Variants in PDE12 observed in about 807,000 individuals in gnomAD.
PDE12 encodes the protein 2',5'-phosphodiesterase 12.
PDE12 carries 26 observed loss-of-function variants against 45.4 expected under a neutral mutation model. The ratio of observed to expected loss-of-function variants is 0.57; its 90% CI spans 0.42 to 0.79. PDE12 has a LOEUF of 0.79. Among genes scored for constraint, PDE12 ranks in the 30% least tolerant of loss-of-function variants. PDE12 has a pLI of 0.00. For missense variants in PDE12, 668 were observed against 790.0 expected (o/e 0.85, Z 1.85); for synonymous variants, 283 against 323.9 (o/e 0.87, Z 1.36).
chr3:57,559,082 G>A (rs1324020194), intron 1 of PDE12, among the ~76,000 whole-genome samples: 1 of 151,878 alleles, frequency 6.6e-6, no homozygotes, highest in African/African-American at 2.4e-5. Context: ...TTAGCCGGGC[G>A]TGGTGGCACG....
chr3:57,584,323 G>T, the PDE12 span: 1 of 1,337,816 alleles, frequency 7.5e-7, no homozygotes, highest in Non-Finnish European at 1.1e-6. Context: ...CTCAAAACTA[G>T]ACTGTATATA....
At chr3:57,597,989 T>G in the PDE12 span, 1 of 152,182 alleles carries the variant, frequency 6.6e-6, no homozygotes, top group Non-Finnish European at 1.5e-5. Flanking sequence ...TGAAGATCTC[T>G]AATTCTGTCA....
the PDE12 span, chr3:57,596,920 T>C: frequency 4.1e-6 from 3 of 726,098 alleles, no homozygotes; most frequent in South Asian, 1.8e-5. Context: ...CACCCTCCGC[T>C]CCATTGTTCC....
the PDE12 span, among the ~76,000 whole-genome samples, chr3:57,625,226 C>T: frequency 6.6e-6 from 1 of 152,132 alleles, no homozygotes; most frequent in Non-Finnish European, 1.5e-5. Context: ...CAGAATATTT[C>T]ATAAAATCAA....
At chr3:57,654,576 A>T in the PDE12 span, 6 of 937,726 alleles carry the variant, frequency 6.4e-6, no homozygotes, top group Non-Finnish European at 7.6e-6. Context: ...ATCATCAAGT[A>T]AAATGTCCCT....
the PDE12 span, among the ~76,000 whole-genome samples, chr3:57,647,376 A>T: frequency 6.6e-6 from 1 of 152,160 alleles, no homozygotes; most frequent in Non-Finnish European, 1.5e-5. Flanking sequence ...CCTAAAGCAG[A>T]ACATGGTAGG....
the PDE12 span, among the ~76,000 whole-genome samples, chr3:57,633,952 C>T: frequency 3.4e-4 from 51 of 151,652 alleles, no homozygotes; most frequent in African/African-American, 1.2e-3. Flanking sequence ...CTATACTATA[C>T]TATTTACATT....
chr3:57,599,516 C>T, the PDE12 span, among the ~76,000 whole-genome samples: 1 of 152,184 alleles, frequency 6.6e-6, no homozygotes. Flanking sequence ...ACCGTATGAG[C>T]CCTCCTCCCT....
chr3:57,567,431 A>G (rs1211151230), downstream of PDE12, among the ~76,000 whole-genome samples: 2 of 152,234 alleles, frequency 1.3e-5, no homozygotes, highest in Non-Finnish European at 1.5e-5. Flanking sequence ...CAGGCATCCA[A>G]TAATACAGCT....
chr3:57,631,732 T>G, the PDE12 span, among the ~76,000 whole-genome samples: 8 of 144,910 alleles, frequency 5.5e-5, no homozygotes, highest in African/African-American at 2.0e-4. Context: ...TTTTTTTTTT[T>G]TTTTTTTTGA....
chr3:57,632,246 G>A, the PDE12 span, among the ~76,000 whole-genome samples: 4 of 150,808 alleles, frequency 2.7e-5, no homozygotes, highest in Non-Finnish European at 5.9e-5. Flanking sequence ...GGATGGTCTC[G>A]ATCTCCTGAC....
At chr3:57,645,274 A>C in the PDE12 span, among the ~76,000 whole-genome samples, 1 of 152,004 alleles carries the variant, frequency 6.6e-6, no homozygotes, top group Non-Finnish European at 1.5e-5. Flanking sequence ...CAGCCTGATC[A>C]ACATGGTGAA....
chr3:57,559,976 C>T lies in PDE12; in HGVS notation c.1802C>T (p.Ala601Val). ...GTTTCCCATCCCTCTGATCACATAG[C>T]ACTTGTATGTGATTTAAAATGGAAA... ...PSVSHPSDHI[A>V]LVCDLKWK is the part of the protein sequence containing the mutation. The change falls in exon 3 of 3, where the codon GCA becomes GTA. Residue 601 changes from alanine (A) to valine (V), a missense_variant. Ala to Val is a moderately conservative substitution (Grantham distance 64). Around this residue, in one of 3 missense-constraint regions of PDE12, gnomAD observed 79 missense variants for 97.9 expected, o/e 0.81. Transcript: ENST00000311180. 1 of 1,608,568 alleles carries T rather than the reference C, an allele frequency of 6.2e-7. No individual in the cohort carries two copies. The highest frequency in any genetic ancestry group is 1.1e-5 in the South Asian group (1 of 90,922).
chr3:57,646,068 G>C, the PDE12 span, among the ~76,000 whole-genome samples: 1 of 152,166 alleles, frequency 6.6e-6, no homozygotes, highest in Middle Eastern at 3.2e-3. Context: ...TTCATGTAAT[G>C]AATCAATGTG....
chr3:57,619,370 AAAC>A, the PDE12 span: 3 of 153,444 alleles, frequency 2.0e-5, no homozygotes, highest in South Asian at 2.1e-4. Context: ...AAACAAAACA[AAAC>A]AACAACAAAA....
the PDE12 span, chr3:57,654,965 C>T: frequency 8.4e-6 from 2 of 237,252 alleles, no homozygotes; most frequent in African/African-American, 2.3e-5. Flanking sequence ...ATATTAAATG[C>T]TTGATATAAT....
chr3:57,619,128 TC>T, the PDE12 span, among the ~76,000 whole-genome samples: 1 of 151,698 alleles, frequency 6.6e-6, no homozygotes, highest in Non-Finnish European at 1.5e-5. Flanking sequence ...GGTGGGCGGA[TC>T]ATGAGGTCAA....
At chr3:57,602,412 A>G in the PDE12 span, among the ~76,000 whole-genome samples, 551 of 152,266 alleles carry the variant, frequency 3.6e-3, 10 homozygotes, top group Admixed American at 5.4e-3. Context: ...CTGTGCTTCT[A>G]CAGAGAGTCT....
rs770233950 is a variant in PDE12, at chr3:57,556,593, G to A, written c.214G>A (p.Gly72Ser). Reference sequence around the variant, plus strand: ...GCAGCGCGACCAGAGCGAGCCGCTGGGTCGAGTCCTCAGCCGCATCGCTAC... The same window carrying A: ...GCAGCGCGACCAGAGCGAGCCGCTGAGTCGAGTCCTCAGCCGCATCGCTAC... ...NMQRDQSEPL[G>S]RVLSRIATNA... The change falls in exon 1 of 3, where the codon GGT becomes AGT. Residue 72 changes from glycine (G) to serine (S), a missense_variant. Transcript: ENST00000311180. The surrounding 1 kb of genome is among the most constrained non-coding windows in gnomAD (Gnocchi z 5.0). 1.1e-5 allele frequency: 17 copies of A among 1,612,864 alleles called. No homozygotes were observed. Among genetic ancestry groups the A allele is most frequent in the Admixed American group, 8.3e-5 (5 of 60,004 alleles).
Sources: gnomAD v4.1 joint callset for allele counts (sites outside exome capture counted in the v4.1 genomes callset) on GRCh38, gnomAD v4.1.1 for gene constraint, gnomAD v4.1.1 regional missense constraint, Gnocchi (gnomAD v3.1) non-coding constraint, MANE v1.5 for transcripts, NCBI Gene and HGNC (gene_info 2026-07-23, HGNC 2026-07-21) for gene names.